POU6F2: variants seen among roughly 807,000 people sequenced by gnomAD.
POU6F2 encodes the protein POU domain, class 6, transcription factor 2.
POU6F2 carries 31 observed loss-of-function variants against 71.3 expected under a neutral mutation model. That is an observed-to-expected ratio of 0.43 (90% CI 0.33 to 0.59). The LOEUF (loss-of-function observed/expected upper bound fraction) is 0.59. POU6F2 is among the 20% of genes least tolerant of loss of function. The probability of loss-of-function intolerance (pLI) is 0.04; values close to 1 mark genes in which losing one functional copy is unlikely to be tolerated. For missense variants in POU6F2, 783 were observed against 856.8 expected (o/e 0.91, Z 1.07); for synonymous variants, 347 against 355.7 (o/e 0.98, Z 0.27).
chr7:39,445,178 T>TC (rs1219560368), intron 7 of POU6F2, among the ~76,000 whole-genome samples: 4 of 152,212 alleles, frequency 2.6e-5, no homozygotes, highest in African/African-American at 4.8e-5. Flanking sequence ...TTACTAATTT[T>TC]CAAAAAAATC....
intron 4 of POU6F2, among the ~76,000 whole-genome samples, chr7:39,294,393 G>A (rs549322675): frequency 2.1e-5 from 3 of 141,130 alleles, no homozygotes; most frequent in Non-Finnish European, 3.1e-5. Flanking sequence ...AATTACTTTT[G>A]CGCCAACCTA....
intron 4 of POU6F2, among the ~76,000 whole-genome samples, chr7:39,325,751 C>T (rs1785491686): frequency 6.6e-6 from 1 of 152,178 alleles, no homozygotes; most frequent in Admixed American, 6.5e-5. Context: ...TGTGTTTAAA[C>T]CAGGCACAGT....
At chr7:39,292,822 C>T (rs1784785453) in intron 4 of POU6F2, among the ~76,000 whole-genome samples, 1 of 152,120 alleles carries the variant, frequency 6.6e-6, no homozygotes, top group Non-Finnish European at 1.5e-5. Flanking sequence ...GAACGTTAAG[C>T]TGTTTTCCTC....
chr7:39,443,870 C>T (rs545528666), intron 7 of POU6F2, among the ~76,000 whole-genome samples: 12 of 152,152 alleles, frequency 7.9e-5, no homozygotes, highest in Non-Finnish European at 1.2e-4. Flanking sequence ...ATGTGATTTA[C>T]GACAAATGTG....
intron 1 of POU6F2, among the ~76,000 whole-genome samples, chr7:39,015,859 ATAATATATTATATATAGATATATATT>A (rs1275952830): frequency 3.5e-5 from 3 of 84,510 alleles, no homozygotes; most frequent in Non-Finnish European, 6.1e-5. Flanking sequence ...ATAGATATAT[ATAATATATTATATATAGATATATATT>A]ATATATTATA....
intron 1 of POU6F2, among the ~76,000 whole-genome samples, chr7:38,984,083 T>A (rs1018063072): frequency 6.6e-6 from 1 of 152,004 alleles, no homozygotes; most frequent in African/African-American, 2.4e-5. Flanking sequence ...ACAAAAAAAA[T>A]TGAAGATCAA....
intron 4 of POU6F2, among the ~76,000 whole-genome samples, chr7:39,298,413 TCAA>T (rs1784891813): frequency 6.6e-6 from 1 of 151,994 alleles, no homozygotes; most frequent in South Asian, 2.1e-4. Context: ...GAAAAAAAGC[TCAA>T]CATCACTGAT....
chr7:39,430,171 A>T (rs145810434), intron 6 of POU6F2, among the ~76,000 whole-genome samples: 33 of 152,384 alleles, frequency 2.2e-4, no homozygotes, highest in African/African-American at 7.7e-4. Flanking sequence ...ACATATTGTG[A>T]TACATTCGGG....
chr7:38,999,065 A>G (rs369019537), intron 1 of POU6F2, among the ~76,000 whole-genome samples: 1 of 152,154 alleles, frequency 6.6e-6, no homozygotes, highest in African/African-American at 2.4e-5. Context: ...TGGAGAACAT[A>G]GCAATGGGCT....
At position 39,454,215 on chromosome 7, in the gene POU6F2, T is replaced by G. The variant is rs182351158; in HGVS notation, c.1489+2514T>G. 2.3e-4 allele frequency among the ~76,000 whole-genome samples: 35 copies of G among 152,284 alleles called. No individual in the cohort carries two copies. In the East Asian group the frequency reaches 4.4e-3, roughly 19 times the overall value. ...GAAGGATTCCAAATGCAGGAGTTTC[T>G]GTCCCTGTAGAGTTGGAGTGCACCA... is the stretch of plus-strand genomic sequence containing the variant. On this transcript the variant is annotated intron_variant, in intron 8 of 9. Transcript: ENST00000518318.
chr7:39,386,457 G>C (rs1441860824), intron 5 of POU6F2, among the ~76,000 whole-genome samples: 3 of 152,188 alleles, frequency 2.0e-5, no homozygotes, highest in Admixed American at 2.0e-4. Flanking sequence ...GCAGAGTGCA[G>C]ATGAGGTTAG....
intron 5 of POU6F2, among the ~76,000 whole-genome samples, chr7:39,355,193 C>T (rs1183546770): frequency 6.6e-6 from 1 of 152,118 alleles, no homozygotes; most frequent in Non-Finnish European, 1.5e-5. Flanking sequence ...ACCATGTGCC[C>T]AGATTGGGGA....
At chr7:39,286,491 T>G (rs1330729870) in intron 4 of POU6F2, among the ~76,000 whole-genome samples, 1 of 152,244 alleles carries the variant, frequency 6.6e-6, no homozygotes, top group Admixed American at 6.5e-5. Flanking sequence ...AGTTACCCGT[T>G]CTGTAAATGG....
chr7:39,390,828 G>T (rs1282847370), intron 5 of POU6F2, among the ~76,000 whole-genome samples: 2 of 151,926 alleles, frequency 1.3e-5, no homozygotes, highest in East Asian at 1.9e-4. Context: ...AGCTGAACAG[G>T]GTTTTCTTGT....
chr7:39,248,828 T>C (rs1375338369), intron 4 of POU6F2, among the ~76,000 whole-genome samples: 1 of 152,218 alleles, frequency 6.6e-6, no homozygotes, highest in Non-Finnish European at 1.5e-5. Flanking sequence ...TTAGCCCAGT[T>C]AGTCCCTATC....
At chr7:39,185,803 A>ATATATG (rs200793063) in intron 2 of POU6F2, among the ~76,000 whole-genome samples, 4,649 of 141,886 alleles carry the variant, frequency 0.033, 97 homozygotes, top group Non-Finnish European at 0.051. Context: ...GTATACATAT[A>ATATATG]TATATGTATA....
intron 1 of POU6F2, among the ~76,000 whole-genome samples, chr7:39,038,648 G>A (rs1190954888): frequency 1.3e-5 from 2 of 151,960 alleles, no homozygotes; most frequent in African/African-American, 2.4e-5. Context: ...TCTTTCTTGT[G>A]TATCCCTTTA....
At chr7:39,164,524 G>A (rs1433352561) in intron 2 of POU6F2, among the ~76,000 whole-genome samples, 1 of 151,066 alleles carries the variant, frequency 6.6e-6, no homozygotes, top group Non-Finnish European at 1.5e-5. Context: ...GTCCCCATTA[G>A]CAATAAGGCT....
chr7:39,299,845 C>CTTT (rs1784921477), intron 4 of POU6F2, among the ~76,000 whole-genome samples: 1 of 152,176 alleles, frequency 6.6e-6, no homozygotes, highest in Admixed American at 6.5e-5. Context: ...TGAGCCACAA[C>CTTT]TTGATTAACT....
Sources: allele counts gnomAD v4.1 joint callset (sites outside exome capture counted in the v4.1 genomes callset), GRCh38; gene constraint gnomAD v4.1.1; transcripts MANE v1.5; gene names NCBI Gene and HGNC (gene_info 2026-07-23, HGNC 2026-07-21).